Variants in AGAP1 observed in about 807,000 individuals in gnomAD.
The protein encoded by AGAP1 is ArfGAP with GTPase domain, ankyrin repeat and PH domain 1.
In AGAP1, 29 loss-of-function variants were observed where a neutral mutation model predicts 105.3. That is an observed-to-expected ratio of 0.28 (90% CI 0.21 to 0.38). The LOEUF (loss-of-function observed/expected upper bound fraction) is 0.38. AGAP1 is among the 10% of genes least tolerant of loss of function. The pLI, the probability that AGAP1 is intolerant of heterozygous loss-of-function variation, is 1.00. For synonymous variants in AGAP1, 509 were observed against 485.9 expected (o/e 1.05, Z -0.63); for missense variants, 998 against 1,165.1 (o/e 0.86, Z 2.09).
In AGAP1 at chr2:235,723,430, A is replaced by G. The variant is rs1211332528; in HGVS notation, c.310+5786A>G. On this transcript the variant is annotated intron_variant, in intron 3 of 17. Coordinates refer to ENST00000304032, the MANE Select transcript of AGAP1 (RefSeq NM_001037131.3). The surrounding 1 kb of genome is among the most constrained non-coding windows in gnomAD (Gnocchi z 6.2). The stretch of plus-strand genomic sequence containing the variant: ...AGTATTATGTGGACATTAGATAGGA[A>G]ATGTGGACCTGCCCAAGACACTTCA... Among the ~76,000 whole-genome samples, 1 of 152,190 alleles carries G rather than the reference A, an allele frequency of 6.6e-6. No individual in the cohort carries two copies. Among genetic ancestry groups the G allele is most frequent in the Non-Finnish European group, 1.5e-5 (1 of 68,038 alleles).
At chr2:235,952,080 C>A (rs1307233865) in intron 12 of AGAP1, among the ~76,000 whole-genome samples, 2 of 152,168 alleles carry the variant, frequency 1.3e-5, no homozygotes, top group Non-Finnish European at 2.9e-5. Flanking sequence ...AGATTGATTC[C>A]AGTATTCAGT....
At chr2:235,607,864 A>AT (rs1427019266) in intron 1 of AGAP1, among the ~76,000 whole-genome samples, 1 of 152,186 alleles carries the variant, frequency 6.6e-6, no homozygotes, top group Non-Finnish European at 1.5e-5. Context: ...GTATTTTAGG[A>AT]TTTTTTAAAG....
intron 1 of AGAP1, among the ~76,000 whole-genome samples, chr2:235,515,535 T>A (rs1223462733): frequency 6.6e-6 from 1 of 152,234 alleles, no homozygotes; most frequent in Non-Finnish European, 1.5e-5. Flanking sequence ...CCTCGAGCTG[T>A]TCTGTCAACA....
intron 1 of AGAP1, among the ~76,000 whole-genome samples, chr2:235,592,875 GCA>G (rs1437118103): frequency 2.6e-5 from 4 of 152,140 alleles, no homozygotes; most frequent in African/African-American, 9.7e-5. Context: ...ATCAGCTGCT[GCA>G]CAGTTTCCAG....
Position 235,561,050 on chromosome 2 carries a change from G to T in AGAP1, c.163+66201G>T, listed in dbSNP as rs572457819. 2.0e-5 allele frequency among the ~76,000 whole-genome samples: 3 copies of T among 152,318 alleles called. No individual in the cohort carries two copies. In the South Asian group the frequency reaches 6.2e-4, roughly 32 times the overall value. On this transcript the variant is annotated intron_variant, in intron 1 of 17. Coordinates refer to ENST00000304032, the MANE Select transcript of AGAP1 (RefSeq NM_001037131.3). ...TCTTTGGAGTGGGTGCCGCTGCCTG[G>T]TTGTTTGGGCCATGCACAGAAGGCT...
At chr2:235,878,554 T>C (rs901461495) in intron 9 of AGAP1, among the ~76,000 whole-genome samples, 2 of 152,174 alleles carry the variant, frequency 1.3e-5, no homozygotes, top group African/African-American at 4.8e-5. Flanking sequence ...TTGAGATTTC[T>C]TGTCCTGTTC....
At chr2:235,726,605 G>T (rs1447342745) in intron 3 of AGAP1, among the ~76,000 whole-genome samples, 1 of 152,096 alleles carries the variant, frequency 6.6e-6, no homozygotes, top group East Asian at 1.9e-4. Context: ...CCATGTCTTT[G>T]GCCTTGATCA....
rs1305814271 is a variant in AGAP1, at chr2:235,741,814, C to T, written c.396+766C>T. On this transcript the variant is annotated intron_variant, in intron 4 of 17. Coordinates refer to ENST00000304032, the MANE Select transcript of AGAP1 (RefSeq NM_001037131.3). The surrounding 1 kb of genome is among the most constrained non-coding windows in gnomAD (Gnocchi z 4.9). ...TGTTACCCAGGCTGGAGTGCAGTGACGTGATCTCGGCTCACTACAAGCTCC... is the reference window on the plus strand; with the variant it reads ...TGTTACCCAGGCTGGAGTGCAGTGATGTGATCTCGGCTCACTACAAGCTCC... Among the ~76,000 whole-genome samples, 6 of 150,814 alleles carry T rather than the reference C, an allele frequency of 4.0e-5. No individual in the cohort carries two copies. Among genetic ancestry groups the T allele is most frequent in the Non-Finnish European group, 7.4e-5 (5 of 67,826 alleles).
intron 13 of AGAP1, among the ~76,000 whole-genome samples, chr2:236,011,880 G>A (rs768923347): frequency 2.8e-4 from 43 of 152,106 alleles, no homozygotes; most frequent in Non-Finnish European, 2.5e-4. Context: ...ACATCAGCTC[G>A]GAGCCTCCTG....
At chr2:235,778,819 T>C (rs1343847145) in intron 6 of AGAP1, among the ~76,000 whole-genome samples, 2 of 152,170 alleles carry the variant, frequency 1.3e-5, no homozygotes, top group Non-Finnish European at 2.9e-5. Context: ...CAACCACATC[T>C]AGACCCTCAT....
intron 1 of AGAP1, among the ~76,000 whole-genome samples, chr2:235,682,162 A>G (rs1949110624): frequency 6.6e-6 from 1 of 151,494 alleles, no homozygotes; most frequent in African/African-American, 2.4e-5. Context: ...CGGTTTGCAT[A>G]TTTTATACTG....
At chr2:235,514,162 G>GCGCGCGCA (rs1003208197) in intron 1 of AGAP1, among the ~76,000 whole-genome samples, 1 of 150,508 alleles carries the variant, frequency 6.6e-6, no homozygotes, top group African/African-American at 2.4e-5. Flanking sequence ...GTGCGCGCGC[G>GCGCGCGCA]CACACACACA....
Position 235,965,808 on chromosome 2 carries a change from A to T in AGAP1, c.1484-2654A>T, listed in dbSNP as rs1188164312. On this transcript the variant is annotated intron_variant, in intron 12 of 17. Coordinates refer to ENST00000304032, the MANE Select transcript of AGAP1 (RefSeq NM_001037131.3). This position sits in a 1 kb window ranked among gnomAD's most constrained non-coding sequence, Gnocchi z 5.8. ...GGGTTTAGGAAAGTGGGCATGAAAG[A>T]TCTTGGGACCTCTGAGGACAGAAGT... is the stretch of plus-strand genomic sequence containing the variant. Among the ~76,000 whole-genome samples, 1 of 152,158 alleles carries T rather than the reference A, an allele frequency of 6.6e-6. No individual in the cohort carries two copies. Among genetic ancestry groups the T allele is most frequent in the Non-Finnish European group, 1.5e-5 (1 of 68,018 alleles).
chr2:235,746,722 C>G (rs1952981764), intron 5 of AGAP1, among the ~76,000 whole-genome samples: 1 of 152,060 alleles, frequency 6.6e-6, no homozygotes, highest in Non-Finnish European at 1.5e-5. Context: ...CCGACCGTGG[C>G]ATTTTTGAGC....
intron 13 of AGAP1, among the ~76,000 whole-genome samples, chr2:235,991,620 T>C (rs1217854064): frequency 6.6e-6 from 1 of 152,174 alleles, no homozygotes; most frequent in Non-Finnish European, 1.5e-5. Flanking sequence ...GTGCATGACA[T>C]TGGAGTTGCC....
intron 9 of AGAP1, among the ~76,000 whole-genome samples, chr2:235,810,075 G>A (rs1958051775): frequency 6.6e-6 from 1 of 152,154 alleles, no homozygotes; most frequent in Non-Finnish European, 1.5e-5. Context: ...TTGATGAAAA[G>A]CCTTCAGAAA....
Position 236,040,816 on chromosome 2 carries a change from C to T in AGAP1, c.1866C>T (p.Ser622=), listed in dbSNP as rs775041601. ...CGATCCGGAACATGCGCGGGAACTC[C>T]CACTGTGTGGACTGCGAGACCCAGA... is the stretch of plus-strand genomic sequence containing the variant. ...LQSIRNMRGN[S]HCVDCETQNP... The change falls in exon 15 of 18, where the codon TCC becomes TCT. Residue 622 remains serine (S), a synonymous_variant. Transcript: ENST00000304032. This position sits in a 1 kb window ranked among gnomAD's most constrained non-coding sequence, Gnocchi z 5.6. 1.2e-6 allele frequency: 2 copies of T among 1,614,164 alleles called. No individual in the cohort carries two copies. Among genetic ancestry groups the T allele is most frequent in the South Asian group, 2.2e-5 (2 of 91,084 alleles).
At chr2:235,826,957 T>G (rs1959103724) in intron 9 of AGAP1, among the ~76,000 whole-genome samples, 1 of 152,152 alleles carries the variant, frequency 6.6e-6, no homozygotes, top group Admixed American at 6.5e-5. Flanking sequence ...GAAAAGTACC[T>G]GCACTTTTCA....
At chr2:235,650,699 G>A (rs1251882517) in intron 1 of AGAP1, among the ~76,000 whole-genome samples, 1 of 152,184 alleles carries the variant, frequency 6.6e-6, no homozygotes, top group Non-Finnish European at 1.5e-5. Flanking sequence ...TGTCAAAAAC[G>A]TACCAATTTT....
Sources: gnomAD v4.1 joint callset for allele counts (sites outside exome capture counted in the v4.1 genomes callset) on GRCh38, gnomAD v4.1.1 for gene constraint, Gnocchi (gnomAD v3.1) non-coding constraint, MANE v1.5 for transcripts, NCBI Gene and HGNC (gene_info 2026-07-23, HGNC 2026-07-21) for gene names.